The following FSTL5 variants were observed in gnomAD, a reference collection of about 807,000 sequenced individuals.
FSTL5 encodes the protein follistatin-related protein 5.
FSTL5 carries 62 observed loss-of-function variants against 89.1 expected under a neutral mutation model. That is an observed-to-expected ratio of 0.70 (90% CI 0.57 to 0.86). The LOEUF is 0.86. FSTL5 is among the 40% of genes least tolerant of loss of function. The pLI, the probability that FSTL5 is intolerant of heterozygous loss-of-function variation, is 0.00. For synonymous variants in FSTL5, 383 were observed against 346.2 expected (o/e 1.11, Z -1.18); for missense variants, 1,057 against 1,001.6 (o/e 1.06, Z -0.75).
chr4:161,524,259 C>T (rs932535123), intron 10 of FSTL5, among the ~76,000 whole-genome samples: 37 of 152,118 alleles, frequency 2.4e-4, no homozygotes, highest in Admixed American at 2.3e-3. Flanking sequence ...AAGCCCACCC[C>T]GCCCACCACA....
intron 4 of FSTL5, among the ~76,000 whole-genome samples, chr4:161,884,972 T>A (rs1732760283): frequency 6.6e-6 from 1 of 152,094 alleles, no homozygotes; most frequent in Non-Finnish European, 1.5e-5. Flanking sequence ...TAGTTCCTAT[T>A]ATTGACAGAA....
intron 2 of FSTL5, among the ~76,000 whole-genome samples, chr4:162,099,600 C>G (rs1730905196): frequency 6.6e-6 from 1 of 151,932 alleles, no homozygotes; most frequent in African/African-American, 2.4e-5. Context: ...AAAATTTCTG[C>G]TATAGAAATA....
Position 161,691,173 on chromosome 4 carries a change from G to T in FSTL5, c.728-34679C>A, listed in dbSNP as rs140677276. Among the ~76,000 whole-genome samples the T allele has an allele frequency of 3.3e-5, 5 of 151,658 alleles. No homozygotes were observed. In the East Asian group the frequency reaches 9.7e-4, roughly 29 times the overall value. On this transcript the variant is annotated intron_variant, in intron 6 of 15. Transcript: ENST00000306100. ...TGTTTTTTTTTCTAAAAATTCTATAGATTTAACTTTATTATTCAGTTCATT... is the reference window on the plus strand; with the variant it reads ...TGTTTTTTTTTCTAAAAATTCTATATATTTAACTTTATTATTCAGTTCATT...
intron 3 of FSTL5, among the ~76,000 whole-genome samples, chr4:162,013,592 C>T (rs1736831387): frequency 6.6e-6 from 1 of 152,100 alleles, no homozygotes; most frequent in African/African-American, 2.4e-5. Context: ...TCCATAGGTC[C>T]TTTGTTGTTG....
At chr4:161,505,612 G>T (rs1730451283) in intron 11 of FSTL5, among the ~76,000 whole-genome samples, 1 of 152,126 alleles carries the variant, frequency 6.6e-6, no homozygotes, top group Non-Finnish European at 1.5e-5. Flanking sequence ...CAGGGCAAAT[G>T]TTATAATGTA....
chr4:161,455,843 AG>A, intron 14 of FSTL5, among the ~76,000 whole-genome samples: 1 of 152,238 alleles, frequency 6.6e-6, no homozygotes. Context: ...AGCCTTCTAA[AG>A]GGCCTTTTTC....
intron 1 of FSTL5, among the ~76,000 whole-genome samples, chr4:162,124,554 G>T (rs181600208): frequency 6.6e-6 from 1 of 152,270 alleles, no homozygotes; most frequent in East Asian, 1.9e-4. Flanking sequence ...CTGGGCAGAG[G>T]ATGAGATAGA....
intron 7 of FSTL5, among the ~76,000 whole-genome samples, chr4:161,632,292 A>T (rs1008695511): frequency 1.3e-5 from 2 of 152,128 alleles, no homozygotes; most frequent in Non-Finnish European, 2.9e-5. Flanking sequence ...AGACGGGAGA[A>T]TCTCTTGAAC....
intron 1 of FSTL5, among the ~76,000 whole-genome samples, chr4:162,127,860 T>G (rs554476775): frequency 1.3e-5 from 2 of 152,116 alleles, no homozygotes; most frequent in Non-Finnish European, 2.9e-5. Flanking sequence ...GATGATAACA[T>G]TGGAAGATCA....
intron 7 of FSTL5, among the ~76,000 whole-genome samples, chr4:161,655,945 T>C (rs937889724): frequency 7.2e-5 from 11 of 152,158 alleles, no homozygotes; most frequent in Admixed American, 6.6e-4. Flanking sequence ...TTTTACAAAA[T>C]TGTGAAGGTG....
At chr4:161,833,463 C>A (rs1730919253) in intron 4 of FSTL5, among the ~76,000 whole-genome samples, 1 of 88,620 alleles carries the variant, frequency 1.1e-5, no homozygotes, top group African/African-American at 3.6e-5. Flanking sequence ...GTTGATCTGT[C>A]TAATGTTGAC....
At chr4:161,561,489 G>T (rs1452055907) in intron 8 of FSTL5, among the ~76,000 whole-genome samples, 1 of 151,862 alleles carries the variant, frequency 6.6e-6, no homozygotes, top group Non-Finnish European at 1.5e-5. Flanking sequence ...TTGGCTCTGG[G>T]TTATTTTTTG....
chr4:161,909,344 G>A (rs1264821767), intron 4 of FSTL5, among the ~76,000 whole-genome samples: 1 of 151,976 alleles, frequency 6.6e-6, no homozygotes, highest in African/African-American at 2.4e-5. Flanking sequence ...TTTCTTCCTG[G>A]AAAAATAAAA....
At chr4:162,045,455 T>A (rs1426440741) in intron 2 of FSTL5, among the ~76,000 whole-genome samples, 1 of 152,150 alleles carries the variant, frequency 6.6e-6, no homozygotes, top group African/African-American at 2.4e-5. Flanking sequence ...AATTTCATGC[T>A]TCTATCAAAA....
chr4:161,955,138 T>C (rs575203394), intron 3 of FSTL5, among the ~76,000 whole-genome samples: 2 of 151,810 alleles, frequency 1.3e-5, no homozygotes, highest in African/African-American at 4.8e-5. Context: ...ATGAAATGTA[T>C]AATTTTCTAT....
At chr4:161,923,641 T>C (rs1326978183) in intron 3 of FSTL5, among the ~76,000 whole-genome samples, 1 of 151,810 alleles carries the variant, frequency 6.6e-6, no homozygotes, top group Non-Finnish European at 1.5e-5. Flanking sequence ...AAGAGTCTGA[T>C]CATTTTACAT....
intron 3 of FSTL5, among the ~76,000 whole-genome samples, chr4:161,985,158 CT>C (rs1735929132): frequency 6.6e-6 from 1 of 151,826 alleles, no homozygotes; most frequent in Admixed American, 6.6e-5. Flanking sequence ...GATTTCACCT[CT>C]CTGAGTAATT....
chr4:161,422,697 C>T (rs1380784703), intron 15 of FSTL5, among the ~76,000 whole-genome samples: 2 of 152,160 alleles, frequency 1.3e-5, no homozygotes, highest in East Asian at 3.9e-4. Flanking sequence ...TAAGCATTCC[C>T]TGCAGGACAC....
At chr4:161,667,980 A>G (rs1181584060) in intron 6 of FSTL5, among the ~76,000 whole-genome samples, 2 of 152,134 alleles carry the variant, frequency 1.3e-5, no homozygotes, top group African/African-American at 4.8e-5. Context: ...TTAAATAAAA[A>G]GAGCAAATTA....
Sources: allele counts gnomAD v4.1 joint callset (sites outside exome capture counted in the v4.1 genomes callset), GRCh38; gene constraint gnomAD v4.1.1; transcripts MANE v1.5; gene names NCBI Gene and HGNC (gene_info 2026-07-23, HGNC 2026-07-21).